Variants in HSF5 observed in about 807,000 individuals in gnomAD.
The protein encoded by HSF5 is heat shock transcription factor 5, also known as heat shock factor protein 5.
A neutral mutation model predicts 50.8 loss-of-function variants in HSF5; 5 were observed. That is an observed-to-expected ratio of 0.10 (90% confidence interval 0.05 to 0.21). The LOEUF is 0.21. HSF5 is among the 10% of genes least tolerant of loss of function. The pLI, the probability that HSF5 is intolerant of heterozygous loss-of-function variation, is 1.00. For missense variants in HSF5, 564 were observed against 762.6 expected, an observed-to-expected ratio of 0.74 and a Z score of 3.07; for synonymous variants, 307 against 307.4, an observed-to-expected ratio of 1.00 and a Z score of 0.02.
chr17:58,439,572 C>T (rs1019896813), intron 5 of HSF5, among the ~76,000 whole-genome samples: 12 of 151,990 alleles, frequency 7.9e-5, no homozygotes, highest in African/African-American at 2.7e-4. Context: ...GCAACCTCCA[C>T]CTCCCGGGTT....
rs770592552 is a variant in HSF5 at position 58,422,395 on chromosome 17, C to G, written c.1756G>C (p.Glu586Gln). 1 of 1,614,056 alleles carries G rather than the reference C, an allele frequency of 6.2e-7. No homozygotes were observed. The highest frequency in any genetic ancestry group is 8.5e-7 in the Non-Finnish European group (1 of 1,179,950). ...AATTCTTCCTCCTTTGGAAAGCGCT[C>G]CTGCTTGCAGGCCACGTCCACCAGC... is the stretch of plus-strand genomic sequence containing the variant. ...HLLVDVACKQ[E>Q]RFPKEEELKE Residue 586 changes from glutamate to glutamine, a missense_variant, in exon 6 of 6, where the codon GAG (glutamate) becomes CAG (glutamine). Physicochemically the swap from Glu to Gln is conservative, Grantham distance 29. Around this residue, in one of 5 missense-constraint regions of HSF5, gnomAD observed 441 missense variants for 533.6 expected, o/e 0.83. Transcript: ENST00000323777.
intron 5 of HSF5, among the ~76,000 whole-genome samples, chr17:58,437,022 C>T (rs573801141): frequency 3.3e-5 from 5 of 152,232 alleles, no homozygotes; most frequent in East Asian, 3.9e-4. Flanking sequence ...TGCCTCCCGA[C>T]ATCTTCATAA....
chr17:58,425,306 G>T (rs1974279668), intron 5 of HSF5, among the ~76,000 whole-genome samples: 1 of 152,028 alleles, frequency 6.6e-6, no homozygotes, highest in African/African-American at 2.4e-5. Context: ...GCTGAGGCAG[G>T]AGAATCGGAA....
chr17:58,477,070 C>T, intron 2 of HSF5: 2 of 491,402 alleles, frequency 4.1e-6, no homozygotes, highest in Non-Finnish European at 3.7e-6. Context: ...CCCAGCGCTG[C>T]CCTCGCGGCC....
chr17:58,466,754 G>T, intron 3 of HSF5, 131 bp downstream of exon 3: 1 of 634,678 alleles, frequency 1.6e-6, no homozygotes, highest in African/African-American at 1.9e-5. Context: ...TAAGAATTGA[G>T]AAAACAAAGC....
intron 5 of HSF5, among the ~76,000 whole-genome samples, chr17:58,448,772 T>C (rs1567909733): frequency 1.3e-5 from 2 of 152,176 alleles, no homozygotes; most frequent in African/African-American, 2.4e-5. Context: ...AAATCGTTGA[T>C]AAAAGTAAGC....
chr17:58,464,687 C>T (rs945592445), intron 3 of HSF5, among the ~76,000 whole-genome samples: 5 of 152,172 alleles, frequency 3.3e-5, no homozygotes, highest in Middle Eastern at 3.2e-3. Context: ...GGCTGGAGTG[C>T]GATGGCACGA....
At chr17:58,476,969 G>C (rs950880058) in intron 2 of HSF5, 2 of 627,146 alleles carry the variant, frequency 3.2e-6, no homozygotes, top group South Asian at 3.8e-5. Context: ...GTTGGGAGAC[G>C]GGGGCGGGGG....
chr17:58,488,405 G>A lies in HSF5; in HGVS notation c.-131C>T. ...CCGCCGCGTACCAGGGACCGTTGGC[G>A]CACGAGGCCCCGCGGCGCCTCCCAG... is the stretch of plus-strand genomic sequence containing the variant. On this transcript the variant is annotated 5_prime_UTR_variant, in exon 1 of 6. Coordinates refer to ENST00000323777, the MANE Select transcript of HSF5 (RefSeq NM_001080439.3). The surrounding 1 kb of genome is among the most constrained non-coding windows in gnomAD (Gnocchi z 4.1). The A allele has an allele frequency of 3.9e-6, 5 of 1,279,578 alleles. No individual in the cohort carries two copies. The highest frequency in any genetic ancestry group is 4.9e-6 in the Non-Finnish European group (5 of 1,018,008). The allele number at this position is 1,279,578 out of a possible 1,614,324, so 79.3% of individuals were successfully genotyped here. A position where few individuals can be genotyped will look rare whatever the true frequency, so the allele number is the denominator to read the frequency against.
chr17:58,448,837 A>G (rs984736169), intron 5 of HSF5, among the ~76,000 whole-genome samples: 1 of 152,348 alleles, frequency 6.6e-6, no homozygotes. Flanking sequence ...TAAACCACTG[A>G]TATCTTTAGT....
chr17:58,427,692 A>T (rs1974313269), intron 5 of HSF5, among the ~76,000 whole-genome samples: 1 of 152,242 alleles, frequency 6.6e-6, no homozygotes, highest in Non-Finnish European at 1.5e-5. Context: ...CTACCAAGAT[A>T]AAAAACATTT....
intron 5 of HSF5, among the ~76,000 whole-genome samples, chr17:58,442,655 C>T (rs1043386334): frequency 6.6e-6 from 1 of 152,144 alleles, no homozygotes; most frequent in African/African-American, 2.4e-5. Context: ...GAAAAATAAG[C>T]CTTGCATATC....
chr17:58,470,567 T>C lies in HSF5; in HGVS notation c.926-3588A>G, dbSNP rs200078606. Among the ~76,000 whole-genome samples the C allele has an allele frequency of 5.9e-5, 9 of 152,276 alleles. No individual in the cohort carries two copies. In the East Asian group the frequency reaches 1.5e-3, roughly 26 times the overall value. Reference sequence around the variant, plus strand: ...GGGTGATGAAAAGTTTTGGAAACAATGGTGAGGGTTGCACAATATTGTGAA... The same window carrying C: ...GGGTGATGAAAAGTTTTGGAAACAACGGTGAGGGTTGCACAATATTGTGAA... On this transcript the variant is annotated intron_variant, in intron 2 of 5. Transcript: ENST00000323777.
chr17:58,482,902 TG>T (rs1442909315), intron 1 of HSF5, among the ~76,000 whole-genome samples: 1 of 148,074 alleles, frequency 6.8e-6, no homozygotes, highest in Non-Finnish European at 1.5e-5. Flanking sequence ...TTCATGCCAC[TG>T]AACTCCAGCC....
intron 5 of HSF5, among the ~76,000 whole-genome samples, chr17:58,453,995 G>A (rs1974674679): frequency 6.6e-6 from 1 of 152,154 alleles, no homozygotes; most frequent in African/African-American, 2.4e-5. Flanking sequence ...TTGGGAGGCT[G>A]AGGCAGGGGA....
Position 58,488,112 on chromosome 17 carries a change from C to T in HSF5, c.163G>A (p.Gly55Arg). The T allele has an allele frequency of 6.3e-7, 1 of 1,574,954 alleles. No individual in the cohort carries two copies. The change falls in exon 1 of 6, where the codon GGG (glycine) becomes AGG (arginine). Residue 55 changes from glycine to arginine, a missense_variant. Physicochemically the swap from Gly to Arg is moderately radical, Grantham distance 125. This residue lies in a region of HSF5 where 72 missense variants were observed against 110.9 expected (regional missense o/e 0.65). Transcript: ENST00000323777. The surrounding 1 kb of genome is among the most constrained non-coding windows in gnomAD (Gnocchi z 4.1). The stretch of plus-strand genomic sequence containing the variant: ...GCAGTCCCGCCACCGCCCCCCGGCC[C>T]GGGCGGGCTGAGCAGCTCGGCCTCG... The part of the protein sequence containing the change: ...LFEAELLSPP[G>R]PGGGGGTAGA...
At chr17:58,467,831 G>C (rs1463737696) in intron 2 of HSF5, among the ~76,000 whole-genome samples, 1 of 152,220 alleles carries the variant, frequency 6.6e-6, no homozygotes, top group Non-Finnish European at 1.5e-5. Context: ...GTTACTTACA[G>C]ATGCAGTCTT....
rs1975022360 is a variant in HSF5 at position 58,477,023 on chromosome 17, C to T, written c.925+2870G>A. On this transcript the variant is annotated intron_variant, in intron 2 of 5. Coordinates refer to ENST00000323777, the MANE Select transcript of HSF5 (RefSeq NM_001080439.3). ...CAGGCAGGCAGCTTCCCCCTCACGG[C>T]ACACGCGCGGGCGCTTGCTGGGTCC... is the stretch of plus-strand genomic sequence containing the variant. The T allele has an allele frequency of 5.3e-6, 3 of 561,970 alleles. No individual in the cohort carries two copies. In the African/African-American group the frequency reaches 5.7e-5, roughly 11 times the overall value. The allele number at this position is 561,970 out of a possible 1,614,324, so 34.8% of individuals were successfully genotyped here. A position where few individuals can be genotyped will look rare whatever the true frequency, so the allele number is the denominator to read the frequency against.
chr17:58,423,442 G>A (rs1974251223), intron 5 of HSF5, among the ~76,000 whole-genome samples: 1 of 149,528 alleles, frequency 6.7e-6, no homozygotes, highest in African/African-American at 2.5e-5. Context: ...CTAGCTTCAA[G>A]CTAATGTGCT....
Sources: gnomAD v4.1 joint callset for allele counts (sites outside exome capture counted in the v4.1 genomes callset) on GRCh38, gnomAD v4.1.1 for gene constraint, gnomAD v4.1.1 regional missense constraint, Gnocchi (gnomAD v3.1) non-coding constraint, MANE v1.5 for transcripts, NCBI Gene and HGNC (gene_info 2026-07-23, HGNC 2026-07-21) for gene names.